MLLT3: variants seen among roughly 807,000 people sequenced by gnomAD.
MLLT3 encodes protein AF-9.
MLLT3 carries 4 observed loss-of-function variants against 53.2 expected under a neutral mutation model. The observed-to-expected ratio is 0.08, with a 90% CI of 0.04 to 0.17. The LOEUF (loss-of-function observed/expected upper bound fraction) is 0.17. Ranked by LOEUF, MLLT3 falls within the 10% of genes least tolerant of loss-of-function variation. The probability of loss-of-function intolerance (pLI) is 1.00; values close to 1 mark genes in which losing one functional copy is unlikely to be tolerated. For synonymous variants in MLLT3, 283 were observed against 230.6 expected (o/e 1.23, Z -2.06); for missense variants, 569 against 684.0 (o/e 0.83, Z 1.87).
At chr9:20,529,969 C>G (rs1019273237) in intron 2 of MLLT3, among the ~76,000 whole-genome samples, 4 of 152,060 alleles carry the variant, frequency 2.6e-5, no homozygotes, top group African/African-American at 9.7e-5. Flanking sequence ...TATCTACTTA[C>G]CTAGGATTGT....
At chr9:20,461,542 T>C (rs1824108132) in intron 2 of MLLT3, among the ~76,000 whole-genome samples, 1 of 152,012 alleles carries the variant, frequency 6.6e-6, no homozygotes, top group African/African-American at 2.4e-5. Context: ...AAATGCTCTG[T>C]AAATGAATAA....
intron 2 of MLLT3, among the ~76,000 whole-genome samples, chr9:20,588,609 G>A (rs1362143452): frequency 1.3e-5 from 2 of 152,148 alleles, no homozygotes; most frequent in Non-Finnish European, 2.9e-5. Context: ...AAGCAATTGT[G>A]AATGGGAGTT....
rs550629175 is a variant in MLLT3, at chr9:20,572,656, T to C, written c.193+47998A>G. Among the ~76,000 whole-genome samples the C allele has an allele frequency of 5.3e-5, 8 of 152,120 alleles. No homozygotes were observed. In the South Asian group the frequency reaches 1.5e-3, roughly 28 times the overall value. On this transcript the variant is annotated intron_variant, in intron 2 of 10. Coordinates refer to ENST00000380338, the MANE Select transcript of MLLT3 (RefSeq NM_004529.4). ...TAAAAATATAAAAATTAGCTGGATG[T>C]GATGGCAGGCGCCTGTAACCCCAGC...
intron 4 of MLLT3, among the ~76,000 whole-genome samples, chr9:20,421,707 T>G (rs1823013091): frequency 6.6e-6 from 1 of 152,174 alleles, no homozygotes; most frequent in Admixed American, 6.5e-5. Flanking sequence ...TGAAATTTCT[T>G]GCATGTAAAA....
At chr9:20,590,152 TA>T (rs548364827) in intron 2 of MLLT3, among the ~76,000 whole-genome samples, 6 of 152,278 alleles carry the variant, frequency 3.9e-5, no homozygotes, top group African/African-American at 1.4e-4. Context: ...CACTCTAACT[TA>T]GTAGGCTTCC....
intron 4 of MLLT3, among the ~76,000 whole-genome samples, chr9:20,422,385 C>A (rs1261063525): frequency 6.6e-6 from 1 of 152,144 alleles, no homozygotes; most frequent in South Asian, 2.1e-4. Context: ...CATTTCTAGA[C>A]CTGACCAGGG....
chr9:20,374,365 C>A (rs919440754), intron 5 of MLLT3, among the ~76,000 whole-genome samples: 1 of 152,198 alleles, frequency 6.6e-6, no homozygotes, highest in African/African-American at 2.4e-5. Flanking sequence ...GTTTGGGTGA[C>A]AAGACAAGTC....
intron 2 of MLLT3, among the ~76,000 whole-genome samples, chr9:20,462,556 T>C (rs867789340): frequency 6.6e-5 from 10 of 152,140 alleles, no homozygotes; most frequent in African/African-American, 2.4e-4. Context: ...GTCCACCTCC[T>C]CTGGACTCAC....
intron 4 of MLLT3, among the ~76,000 whole-genome samples, chr9:20,446,351 C>T (rs1487432130): frequency 1.3e-5 from 2 of 152,162 alleles, no homozygotes; most frequent in African/African-American, 4.8e-5. Flanking sequence ...AAGAATCATT[C>T]TGAGATAAAG....
At chr9:20,543,096 G>A (rs1318238870) in intron 2 of MLLT3, among the ~76,000 whole-genome samples, 1 of 152,198 alleles carries the variant, frequency 6.6e-6, no homozygotes, top group Non-Finnish European at 1.5e-5. Flanking sequence ...TTTGGCTCAA[G>A]GGAAAATTGT....
chr9:20,622,211 G>A lies in MLLT3; in HGVS notation c.12+34C>T, dbSNP rs766788322. On this transcript the variant is annotated intron_variant, in intron 1 of 10. Coordinates refer to ENST00000380338, the MANE Select transcript of MLLT3 (RefSeq NM_004529.4). ...CGCAGGGCGAGGAAGGAAAGTGGGG[G>A]AGGGCTTTTATTATTATTTTTGCGC... The A allele has an allele frequency of 2.3e-5, 36 of 1,590,516 alleles. No individual in the cohort carries two copies. The African/African-American group carries it at 3.9e-4, about 17-fold the overall frequency.
intron 2 of MLLT3, among the ~76,000 whole-genome samples, chr9:20,538,640 A>C (rs1818545446): frequency 6.6e-6 from 1 of 152,262 alleles, no homozygotes; most frequent in African/African-American, 2.4e-5. Context: ...CAGAAAGAGA[A>C]AATGAATACA....
intron 2 of MLLT3, among the ~76,000 whole-genome samples, chr9:20,479,345 A>T (rs1367778235): frequency 1.3e-5 from 2 of 152,028 alleles, no homozygotes; most frequent in Non-Finnish European, 2.9e-5. Context: ...TCTCTAATTA[A>T]TTTGCTTTTT....
In MLLT3 at chr9:20,544,242, G is replaced by A. The variant is rs554113719; in HGVS notation, c.193+76412C>T. 1.3e-4 allele frequency among the ~76,000 whole-genome samples: 20 copies of A among 152,230 alleles called. No homozygotes were observed. In the South Asian group the frequency reaches 2.5e-3, roughly 19 times the overall value. On this transcript the variant is annotated intron_variant, in intron 2 of 10. Coordinates refer to ENST00000380338, the MANE Select transcript of MLLT3 (RefSeq NM_004529.4). ...CATAGGGGAAAACCTTCAGAATATC[G>A]GATTTGGGAGGGATTTCTTAAGCAT...
At chr9:20,602,221 A>G (rs1820442774) in intron 2 of MLLT3, among the ~76,000 whole-genome samples, 1 of 152,206 alleles carries the variant, frequency 6.6e-6, no homozygotes, top group African/African-American at 2.4e-5. Context: ...GCCTCCAAAA[A>G]TTAAGAATTA....
intron 2 of MLLT3, among the ~76,000 whole-genome samples, chr9:20,595,530 A>G (rs1820240076): frequency 6.6e-6 from 1 of 152,172 alleles, no homozygotes; most frequent in South Asian, 2.1e-4. Flanking sequence ...AAAACCATAA[A>G]CAGGAAAAAT....
Position 20,621,777 on chromosome 9 carries a change from G to A in MLLT3, c.12+468C>T. On this transcript the variant is annotated intron_variant, in intron 1 of 10. Coordinates refer to ENST00000380338, the MANE Select transcript of MLLT3 (RefSeq NM_004529.4). The surrounding 1 kb of genome is among the most constrained non-coding windows in gnomAD (Gnocchi z 7.0). ...CGCGCGCCGCGGAGAACGCACCATC[G>A]TAGCGGCCGCGGCGCTTTGCGGAGG... 6.7e-7 allele frequency: 1 copy of A among 1,481,584 alleles called. No individual in the cohort carries two copies. Among genetic ancestry groups the A allele is most frequent in the Non-Finnish European group, 8.9e-7 (1 of 1,124,948 alleles). 91.8% of individuals were successfully genotyped at this position (1,481,584 alleles called of 1,614,324 possible).
At chr9:20,602,761 T>TAAACAC (rs369340965) in intron 2 of MLLT3, among the ~76,000 whole-genome samples, 5 of 147,304 alleles carry the variant, frequency 3.4e-5, no homozygotes, top group Admixed American at 2.7e-4. Flanking sequence ...TTAAGTTTGA[T>TAAACAC]ACACACACAC....
intron 2 of MLLT3, among the ~76,000 whole-genome samples, chr9:20,462,641 C>CT (rs1824139322): frequency 6.6e-6 from 1 of 152,108 alleles, no homozygotes. Context: ...ATGGTCATTT[C>CT]TCTCTTCTAC....
Sources: allele counts gnomAD v4.1 joint callset (sites outside exome capture counted in the v4.1 genomes callset), GRCh38; gene constraint gnomAD v4.1.1; non-coding constraint Gnocchi (gnomAD v3.1); transcripts MANE v1.5; gene names NCBI Gene and HGNC (gene_info 2026-07-23, HGNC 2026-07-21).